NIPAL3: variants seen among roughly 807,000 people sequenced by gnomAD.
NIPAL3 encodes the protein NIPA like domain containing 3, also known as NIPA-like protein 3.
In NIPAL3, 41 loss-of-function variants were observed where a neutral mutation model predicts 47.2. The observed-to-expected ratio is 0.87, with a 90% CI of 0.68 to 1.13. The LOEUF (loss-of-function observed/expected upper bound fraction) is 1.13, where lower values mean the gene tolerates loss of function less well. Ranked by LOEUF, NIPAL3 falls within the 50% of genes most tolerant of loss-of-function variation. The pLI is 0.00. For synonymous variants in NIPAL3, 194 were observed against 209.6 expected (o/e 0.93, Z 0.64); for missense variants, 449 against 530.1 (o/e 0.85, Z 1.50).
intron 2 of NIPAL3, among the ~76,000 whole-genome samples, chr1:24,427,136 C>A (rs1313623300): frequency 6.6e-6 from 1 of 152,164 alleles, no homozygotes; most frequent in East Asian, 1.9e-4. Flanking sequence ...TGGGAGCTGG[C>A]CAGGCACTAC....
In NIPAL3 at chr1:24,470,985, G is replaced by A. The variant is rs1296005117; in HGVS notation, c.*1800G>A. 2.6e-5 allele frequency: 4 copies of A among 152,224 alleles called. No individual in the cohort carries two copies. Among genetic ancestry groups the A allele is most frequent in the Non-Finnish European group, 5.9e-5 (4 of 68,068 alleles). The allele number at this position is 152,224 out of a possible 1,614,324, so 9.4% of individuals were successfully genotyped here. ...CCTGCCCTCCAGGCCAGCAGAGGGA[G>A]GCACAAATACCCAGGAATCTCTGAT... On this transcript the variant is annotated 3_prime_UTR_variant, in exon 12 of 12. Coordinates refer to ENST00000374399, the MANE Select transcript of NIPAL3 (RefSeq NM_020448.5).
intron 7 of NIPAL3, among the ~76,000 whole-genome samples, chr1:24,455,892 T>C (rs532881336): frequency 1.3e-5 from 2 of 152,276 alleles, no homozygotes; most frequent in African/African-American, 4.8e-5. Context: ...TAGGATTACC[T>C]TCAGGGGGTT....
chr1:24,450,269 A>G (rs549499110), intron 6 of NIPAL3, among the ~76,000 whole-genome samples: 1 of 152,300 alleles, frequency 6.6e-6, no homozygotes, highest in East Asian at 1.9e-4. Flanking sequence ...CTCAGTTCTT[A>G]TTTCCTCTTC....
intron 11 of NIPAL3, chr1:24,464,442 T>A (rs1646614123): frequency 5.6e-6 from 1 of 179,632 alleles, no homozygotes; most frequent in Non-Finnish European, 1.2e-5. Context: ...CTAGTTGGAA[T>A]GAAATGATCA....
Position 24,449,680 on chromosome 1 carries a change from C to A in NIPAL3, c.540+54C>A. The A allele has an allele frequency of 6.4e-7, 1 of 1,573,238 alleles. No homozygotes were observed. The highest frequency in any genetic ancestry group is 1.1e-5 in the South Asian group (1 of 87,912). ...GAGATGGCAGGAGGGAGATCAAGTC[C>A]TAGAAACCAGAAACGTGAATACCCA... On this transcript the variant is annotated intron_variant, in intron 6 of 11. Coordinates refer to ENST00000374399, the MANE Select transcript of NIPAL3 (RefSeq NM_020448.5). This position sits in a 1 kb window ranked among gnomAD's most constrained non-coding sequence, Gnocchi z 4.5.
At chr1:24,437,112 C>A in intron 2 of NIPAL3, among the ~76,000 whole-genome samples, 1 of 151,822 alleles carries the variant, frequency 6.6e-6, no homozygotes, top group East Asian at 2.0e-4. Flanking sequence ...AATAGCCGGG[C>A]GAGGTGGCGG....
At chr1:24,414,531 CTTTTTTTTTTTT>C (rs57135976), upstream of NIPAL3, 9 of 83,162 alleles carry the variant, frequency 1.1e-4, no homozygotes, top group Admixed American at 7.2e-4. Context: ...GAAATCCAAG[CTTTTTTTTTTTT>C]TTTTTTTTTT....
chr1:24,457,924 C>T, intron 8 of NIPAL3: 1 of 444,950 alleles, frequency 2.2e-6, no homozygotes, highest in South Asian at 1.7e-5. Flanking sequence ...CAGTCATCAC[C>T]TGGAAGCCCC....
intron 8 of NIPAL3, among the ~76,000 whole-genome samples, chr1:24,456,694 GAAAT>G (rs1399615918): frequency 6.6e-6 from 1 of 152,196 alleles, no homozygotes; most frequent in Non-Finnish European, 1.5e-5. Context: ...AAAAAAGAAA[GAAAT>G]ACGAAGCCAG....
intron 11 of NIPAL3, among the ~76,000 whole-genome samples, chr1:24,466,654 C>T (rs1646709924): frequency 2.0e-5 from 3 of 152,180 alleles, no homozygotes; most frequent in Non-Finnish European, 1.5e-5. Flanking sequence ...CGTGGTTCCC[C>T]GCCGTGTACA....
At chr1:24,415,585 C>T (rs1643978842), upstream of NIPAL3, 1 of 152,486 alleles carries the variant, frequency 6.6e-6, no homozygotes, top group African/African-American at 2.4e-5. Flanking sequence ...TAGGGGGTCC[C>T]CGCTCCAGGT....
chr1:24,452,346 G>A (rs1645977766), intron 6 of NIPAL3, among the ~76,000 whole-genome samples: 1 of 152,208 alleles, frequency 6.6e-6, no homozygotes, highest in Admixed American at 6.5e-5. Context: ...GAGCCAGACT[G>A]TCCAGGTTTA....
At chr1:24,422,535 G>A (rs761270014) in intron 2 of NIPAL3, among the ~76,000 whole-genome samples, 14 of 152,038 alleles carry the variant, frequency 9.2e-5, no homozygotes, top group Admixed American at 2.6e-4. Flanking sequence ...TTACCCCCTC[G>A]TCTCTACTCC....
intron 5 of NIPAL3, among the ~76,000 whole-genome samples, chr1:24,446,582 C>T (rs1425015764): frequency 6.6e-6 from 1 of 152,182 alleles, no homozygotes; most frequent in African/African-American, 2.4e-5. Context: ...TACCTCCATC[C>T]ATGTCCCTGC....
In NIPAL3 at chr1:24,472,522, G is replaced by C. The variant is rs1389248882; in HGVS notation, c.*3337G>C. ...AAATATCACACCTCGGTCTCCTTTT[G>C]AGCAGCCCAGGTACCTAAAGCAAGG... On this transcript the variant is annotated 3_prime_UTR_variant, in exon 12 of 12. Transcript: ENST00000374399. 1 of 152,112 alleles carries C rather than the reference G, an allele frequency of 6.6e-6. No individual in the cohort carries two copies. The highest frequency in any genetic ancestry group is 2.4e-5 in the African/African-American group (1 of 41,402). The allele number at this position is 152,112 out of a possible 1,614,324, so 9.4% of individuals were successfully genotyped here. A position where few individuals can be genotyped will look rare whatever the true frequency, so the allele number is the denominator to read the frequency against.
rs1207861048 is a variant in NIPAL3, at chr1:24,451,907, T to C, written c.541-1501T>C. On this transcript the variant is annotated intron_variant, in intron 6 of 11. Coordinates refer to ENST00000374399, the MANE Select transcript of NIPAL3 (RefSeq NM_020448.5). The surrounding 1 kb of genome is among the most constrained non-coding windows in gnomAD (Gnocchi z 4.5). The stretch of plus-strand genomic sequence containing the variant: ...CTAAAAACAGCCCAGTACAAAATCG[T>C]GCATTGACTATAATGACAACTCGTT... 6.6e-6 allele frequency among the ~76,000 whole-genome samples: 1 copy of C among 152,168 alleles called. No homozygotes were observed. Among genetic ancestry groups the C allele is most frequent in the Non-Finnish European group, 1.5e-5 (1 of 68,026 alleles).
chr1:24,448,317 A>G (rs1204332733), intron 5 of NIPAL3, among the ~76,000 whole-genome samples: 1 of 152,102 alleles, frequency 6.6e-6, no homozygotes, highest in African/African-American at 2.4e-5. Flanking sequence ...CTTTTCACCA[A>G]CCTTACAGAG....
intron 8 of NIPAL3, among the ~76,000 whole-genome samples, chr1:24,457,345 A>G (rs965712980): frequency 2.7e-4 from 41 of 152,230 alleles, no homozygotes; most frequent in African/African-American, 9.9e-4. Context: ...CTGGAGCCCA[A>G]CAGAGGGCCT....
upstream of NIPAL3, chr1:24,415,720 T>G (rs1406962973): frequency 8.4e-6 from 4 of 475,630 alleles, no homozygotes; most frequent in African/African-American, 6.3e-5. Flanking sequence ...GCGAAATGCC[T>G]GCCAACTTCT....
Sources: gnomAD v4.1 joint callset for allele counts (sites outside exome capture counted in the v4.1 genomes callset) on GRCh38, gnomAD v4.1.1 for gene constraint, Gnocchi (gnomAD v3.1) non-coding constraint, MANE v1.5 for transcripts, NCBI Gene and HGNC (gene_info 2026-07-23, HGNC 2026-07-21) for gene names.